BMPR1A: variants seen among roughly 807,000 people sequenced by gnomAD.
BMPR1A encodes the protein bone morphogenetic protein receptor type-1A.
Under a neutral mutation model 66.0 loss-of-function variants are expected in BMPR1A, and 7 were observed. That is an observed-to-expected ratio of 0.11 (90% CI 0.06 to 0.20). The LOEUF is 0.20. Ranked by LOEUF, BMPR1A falls within the 10% of genes least tolerant of loss-of-function variation. BMPR1A has a pLI of 1.00. For synonymous variants in BMPR1A, 200 were observed against 229.7 expected (o/e 0.87, Z 1.17); for missense variants, 408 against 669.1 (o/e 0.61, Z 4.31).
At chr10:86,802,620 A>C (rs1841827639) in intron 1 of BMPR1A, among the ~76,000 whole-genome samples, 1 of 151,954 alleles carries the variant, frequency 6.6e-6, no homozygotes, top group African/African-American at 2.4e-5. Context: ...AGCTGGTGCA[A>C]GCTTGAGGGA....
At chr10:86,875,754 A>G (rs1386057291) in intron 2 of BMPR1A, 113 bp from the exon 3 acceptor site, 2 of 517,406 alleles carry the variant, frequency 3.9e-6, no homozygotes, top group Non-Finnish European at 6.9e-6. Flanking sequence ...TAATCTTTTA[A>G]AATGTATTTC....
At chr10:86,845,447 A>G (rs559025796) in intron 2 of BMPR1A, among the ~76,000 whole-genome samples, 5 of 152,190 alleles carry the variant, frequency 3.3e-5, no homozygotes, top group African/African-American at 4.8e-5. Context: ...TTGTGCCTCC[A>G]TGCTGTTGAG....
intron 2 of BMPR1A, among the ~76,000 whole-genome samples, chr10:86,858,101 A>G (rs565633825): frequency 9.9e-5 from 15 of 152,190 alleles, no homozygotes; most frequent in Non-Finnish European, 1.6e-4. Flanking sequence ...AGTTCTTAAT[A>G]TGAATTAGTA....
At chr10:86,807,277 C>T (rs1384058147) in intron 1 of BMPR1A, among the ~76,000 whole-genome samples, 3 of 152,160 alleles carry the variant, frequency 2.0e-5, no homozygotes, top group African/African-American at 4.8e-5. Context: ...TGGCCTTTCC[C>T]CAGTCCATTT....
At chr10:86,783,390 CTG>C (rs1278532550) in intron 1 of BMPR1A, among the ~76,000 whole-genome samples, 1 of 152,150 alleles carries the variant, frequency 6.6e-6, no homozygotes. Flanking sequence ...AAAAATGACA[CTG>C]AAATTTGATA....
intron 1 of BMPR1A, among the ~76,000 whole-genome samples, chr10:86,778,847 C>T (rs1431237816): frequency 6.6e-6 from 1 of 151,618 alleles, no homozygotes; most frequent in Non-Finnish European, 1.5e-5. Flanking sequence ...ACTTTCTGTT[C>T]CTGGCTTATT....
intron 3 of BMPR1A, among the ~76,000 whole-genome samples, chr10:86,882,596 A>AT (rs1160013152): frequency 2.0e-5 from 3 of 149,652 alleles, no homozygotes; most frequent in Middle Eastern, 3.5e-3. Flanking sequence ...GTGGGGCTCA[A>AT]TTTTTTTTTG....
At chr10:86,895,024 T>G (rs1210217621) in intron 5 of BMPR1A, among the ~76,000 whole-genome samples, 1 of 152,188 alleles carries the variant, frequency 6.6e-6, no homozygotes, top group Non-Finnish European at 1.5e-5. Flanking sequence ...AGTTTACAAA[T>G]AGAAGGCCTG....
intron 2 of BMPR1A, among the ~76,000 whole-genome samples, chr10:86,853,857 C>T (rs770222590): frequency 5.6e-4 from 85 of 151,728 alleles, no homozygotes; most frequent in Non-Finnish European, 1.1e-3. Context: ...GACCACAGGA[C>T]GGGGCGAAAT....
intron 5 of BMPR1A, among the ~76,000 whole-genome samples, chr10:86,892,606 T>G (rs1006401269): frequency 2.0e-5 from 3 of 152,114 alleles, no homozygotes; most frequent in African/African-American, 7.2e-5. Flanking sequence ...TTTTTGTATT[T>G]TTTGTAGAGA....
rs557549320 is a variant in BMPR1A, at chr10:86,846,682, C to T, written c.-153+7703C>T. ...CGCCACTGCACTTCAGCCTGGGCGA[C>T]GAAGCAAGACTCTGTCCCCCGCCGC... is the stretch of plus-strand genomic sequence containing the variant. On this transcript the variant is annotated intron_variant, in intron 2 of 12. Coordinates refer to ENST00000372037, the MANE Select transcript of BMPR1A (RefSeq NM_004329.3). Among the ~76,000 whole-genome samples, 42 of 152,068 alleles carry T rather than the reference C, an allele frequency of 2.8e-4. 1 individual carries two copies. The South Asian group carries it at 5.4e-3, about 20-fold the overall frequency.
chr10:86,921,417 G>T (rs759234422), intron 10 of BMPR1A, 103 bp from the exon 11 acceptor site: 64 of 1,448,796 alleles, frequency 4.4e-5, no homozygotes, highest in Middle Eastern at 2.4e-4. Context: ...AATGCATCTG[G>T]CCCCAAGGAG....
chr10:86,837,052 C>G (rs1293936303), intron 1 of BMPR1A, among the ~76,000 whole-genome samples: 1 of 152,166 alleles, frequency 6.6e-6, no homozygotes, highest in Admixed American at 6.6e-5. Context: ...TGTTTGAAAG[C>G]TCTTTTGGTT....
At chr10:86,892,036 C>T in intron 4 of BMPR1A, 91 bp from the exon 5 acceptor site, 3 of 943,520 alleles carry the variant, frequency 3.2e-6, no homozygotes, top group Non-Finnish European at 5.0e-6. Flanking sequence ...TATTAAAGGC[C>T]ATCTGTACCT....
At chr10:86,931,005 C>T (rs1462170347), downstream of BMPR1A, 1 of 151,916 alleles carries the variant, frequency 6.6e-6, no homozygotes, top group Non-Finnish European at 1.5e-5. Flanking sequence ...AATCCCAGCA[C>T]TCTGGGAGGC....
rs1214579550 is a variant in BMPR1A at position 86,889,753 on chromosome 10, A to T, written c.68-309A>T. 2.5e-5 allele frequency: 7 copies of T among 284,132 alleles called. No homozygotes were observed. The East Asian group carries it at 5.8e-4, about 23-fold the overall frequency. 17.6% of individuals were successfully genotyped at this position (284,132 alleles called of 1,614,324 possible). A position where few individuals can be genotyped will look rare whatever the true frequency, so the allele number is the denominator to read the frequency against. ...TCCCTGGTTAAATTAAAAAATTTTT[A>T]AGTTATTTTAAAAATATAAAAAACA... is the stretch of plus-strand genomic sequence containing the variant. On this transcript the variant is annotated intron_variant, in intron 3 of 12. Coordinates refer to ENST00000372037, the MANE Select transcript of BMPR1A (RefSeq NM_004329.3).
intron 2 of BMPR1A, among the ~76,000 whole-genome samples, chr10:86,867,973 G>A (rs1241542008): frequency 6.6e-6 from 1 of 152,132 alleles, no homozygotes; most frequent in Admixed American, 6.5e-5. Context: ...TGAGCATGGG[G>A]GAAAGGTAGA....
intron 2 of BMPR1A, among the ~76,000 whole-genome samples, chr10:86,868,822 CT>C (rs992852436): frequency 7.1e-6 from 1 of 140,856 alleles, no homozygotes; most frequent in Non-Finnish European, 1.5e-5. Context: ...GTTCAGTTGT[CT>C]TGCTGTTTGA....
At chr10:86,919,551 A>G in intron 10 of BMPR1A, 82 bp downstream of exon 10, 1 of 1,554,286 alleles carries the variant, frequency 6.4e-7, no homozygotes, top group Non-Finnish European at 8.8e-7. Context: ...AGATAATGGA[A>G]TTCTAAAAAT....
Sources: allele counts gnomAD v4.1 joint callset (sites outside exome capture counted in the v4.1 genomes callset), GRCh38; gene constraint gnomAD v4.1.1; transcripts MANE v1.5; gene names NCBI Gene and HGNC (gene_info 2026-07-23, HGNC 2026-07-21).